SEPHS1: variants seen among roughly 807,000 people sequenced by gnomAD.
SEPHS1 encodes zincore component SEPHS1.
In SEPHS1, 7 loss-of-function variants were observed where a neutral mutation model predicts 39.2. The ratio of observed to expected loss-of-function variants is 0.18; its 90% CI spans 0.10 to 0.34. The LOEUF (loss-of-function observed/expected upper bound fraction) is 0.34. SEPHS1 is among the 10% of genes least tolerant of loss of function. SEPHS1 has a pLI of 1.00. For synonymous variants in SEPHS1, 190 were observed against 195.5 expected (o/e 0.97, Z 0.23); for missense variants, 253 against 514.5 (o/e 0.49, Z 4.92).
At chr10:13,325,342 C>T (rs1833232993) in intron 7 of SEPHS1, among the ~76,000 whole-genome samples, 1 of 152,194 alleles carries the variant, frequency 6.6e-6, no homozygotes, top group South Asian at 2.1e-4. Flanking sequence ...ACCTAAATCT[C>T]ATCTCGAATT....
Position 13,344,998 on chromosome 10 carries a change from T to G in SEPHS1, c.-48A>C. On this transcript the variant is annotated 5_prime_UTR_variant, in exon 2 of 9. Transcript: ENST00000327347. Reference sequence around the variant, plus strand: ...CACAGCTCAGCCCCTCCCCTCCCTCTGCGGGTTGGCTGGGTTCTTTATGGA... The same window carrying G: ...CACAGCTCAGCCCCTCCCCTCCCTCGGCGGGTTGGCTGGGTTCTTTATGGA... The G allele has an allele frequency of 7.2e-7, 1 of 1,386,710 alleles. No homozygotes were observed. The highest frequency in any genetic ancestry group is 9.4e-7 in the Non-Finnish European group (1 of 1,058,738). The allele number at this position is 1,386,710 out of a possible 1,614,324, so 85.9% of individuals were successfully genotyped here. A position where few individuals can be genotyped will look rare whatever the true frequency, so the allele number is the denominator to read the frequency against.
In SEPHS1 at chr10:13,333,976, G is replaced by A; in HGVS notation, c.406-5C>T. ...AGGCATCACTTTATCCCTTTCCTAAGGTTGAAAAAGGTACAAATAAAAAGT... is the reference window on the plus strand; with the variant it reads ...AGGCATCACTTTATCCCTTTCCTAAAGTTGAAAAAGGTACAAATAAAAAGT... On this transcript the variant is annotated splice_polypyrimidine_tract_variant and splice_region_variant and intron_variant, in intron 4 of 8. Coordinates refer to ENST00000327347, the MANE Select transcript of SEPHS1 (RefSeq NM_012247.5). The A allele has an allele frequency of 6.3e-7, 1 of 1,598,404 alleles. No individual in the cohort carries two copies. Among genetic ancestry groups the A allele is most frequent in the South Asian group, 1.1e-5 (1 of 88,506 alleles).
chr10:13,323,131 C>T (rs1833163878), intron 7 of SEPHS1, 84 bp from the exon 8 acceptor site: 1 of 1,073,964 alleles, frequency 9.3e-7, no homozygotes, highest in Non-Finnish European at 1.4e-6. Flanking sequence ...CTGCAACTTC[C>T]TTACTTGTCA....
intron 8 of SEPHS1, among the ~76,000 whole-genome samples, chr10:13,321,625 GA>G (rs1833119779): frequency 6.6e-6 from 1 of 151,730 alleles, no homozygotes; most frequent in Non-Finnish European, 1.5e-5. Context: ...GAGAGAAACC[GA>G]AAAAAAGGGA....
intron 3 of SEPHS1, among the ~76,000 whole-genome samples, chr10:13,337,568 C>T (rs1389920356): frequency 6.6e-6 from 1 of 152,222 alleles, no homozygotes; most frequent in Admixed American, 6.5e-5. Context: ...AGCTCAACAA[C>T]CATCTGTGGC....
intron 5 of SEPHS1, among the ~76,000 whole-genome samples, chr10:13,332,448 C>T (rs1165678428): frequency 2.0e-5 from 3 of 152,130 alleles, no homozygotes. Flanking sequence ...GTGATGGGTG[C>T]ACAACCTTGT....
chr10:13,340,618 G>C (rs542031197), intron 2 of SEPHS1: 1 of 152,316 alleles, frequency 6.6e-6, no homozygotes, highest in South Asian at 2.1e-4. Context: ...TACTGAAAGA[G>C]AAACTAAAAT....
chr10:13,331,245 T>C (rs1564447501), intron 5 of SEPHS1, among the ~76,000 whole-genome samples: 1 of 152,218 alleles, frequency 6.6e-6, no homozygotes, highest in Non-Finnish European at 1.5e-5. Flanking sequence ...TGATGGACAT[T>C]TGAGTTGGTT....
chr10:13,336,515 C>T lies in SEPHS1; in HGVS notation c.298-165G>A. The T allele has an allele frequency of 3.1e-6, 2 of 649,818 alleles. 1 individual carries two copies. The highest frequency in any genetic ancestry group is 4.7e-5 in the Admixed American group (2 of 42,722). 40.3% of individuals were successfully genotyped at this position (649,818 alleles called of 1,614,324 possible). ...TATGATTTGCAGACTGGCAACCTTT[C>T]CTGCATCACAGAGTCACTAGGCCAT... On this transcript the variant is annotated intron_variant, in intron 3 of 8. Transcript: ENST00000327347.
At chr10:13,325,868 A>G in intron 7 of SEPHS1, among the ~76,000 whole-genome samples, 1 of 120,062 alleles carries the variant, frequency 8.3e-6, no homozygotes, top group South Asian at 2.9e-4. Context: ...ACTGCACTCC[A>G]GCCTGGGCGA....
chr10:13,323,353 C>T (rs1217236924), intron 7 of SEPHS1, among the ~76,000 whole-genome samples: 2 of 151,998 alleles, frequency 1.3e-5, no homozygotes, highest in Admixed American at 6.6e-5. Flanking sequence ...AACCAAAGAC[C>T]GGCACTTTTT....
chr10:13,329,613 A>T lies in SEPHS1; in HGVS notation c.651+85T>A, dbSNP rs1278557385. 1.1e-5 allele frequency: 11 copies of T among 1,017,758 alleles called. No homozygotes were observed. In the Admixed American group the frequency reaches 2.3e-4, roughly 21 times the overall value. The allele number at this position is 1,017,758 out of a possible 1,614,324, so 63.0% of individuals were successfully genotyped here. On this transcript the variant is annotated intron_variant, in intron 6 of 8. Coordinates refer to ENST00000327347, the MANE Select transcript of SEPHS1 (RefSeq NM_012247.5). ...TTAACTCCCTGGATATGAAACTAAA[A>T]AACCTCATTTCCCAAATCCTCCAAC...
rs1158931308 is a variant in SEPHS1 at position 13,317,933 on chromosome 10, T to C, written c.*1209A>G. 1 of 152,166 alleles carries C rather than the reference T, an allele frequency of 6.6e-6. No homozygotes were observed. Among genetic ancestry groups the C allele is most frequent in the African/African-American group, 2.4e-5 (1 of 41,432 alleles). 9.4% of individuals were successfully genotyped at this position (152,166 alleles called of 1,614,324 possible). ...CTATTTATTCTAGAACTACAAAATT[T>C]AATTCAAGAAAATATAGGTCCCATG... On this transcript the variant is annotated 3_prime_UTR_variant, in exon 9 of 9. Coordinates refer to ENST00000327347, the MANE Select transcript of SEPHS1 (RefSeq NM_012247.5).
At chr10:13,325,408 C>T (rs372220891) in intron 7 of SEPHS1, among the ~76,000 whole-genome samples, 3 of 152,108 alleles carry the variant, frequency 2.0e-5, no homozygotes, top group East Asian at 3.9e-4. Context: ...ATCATGAGGG[C>T]GGTTTCCCTC....
chr10:13,319,451 C>G, intron 8 of SEPHS1, 95 bp from the exon 9 acceptor site: 2 of 1,267,564 alleles, frequency 1.6e-6, no homozygotes, highest in Non-Finnish European at 2.3e-6. Context: ...CCATCAACAA[C>G]TTGCTGCCAC....
At chr10:13,327,240 CAAAAAAAAAAAAA>C (rs34788028) in intron 7 of SEPHS1, among the ~76,000 whole-genome samples, 7 of 82,800 alleles carry the variant, frequency 8.5e-5, no homozygotes, top group Admixed American at 5.5e-4. Context: ...GATTCTGTCT[CAAAAAAAAAAAAA>C]AAAAAAAAAA....
At chr10:13,331,078 T>C (rs1044458118) in intron 5 of SEPHS1, among the ~76,000 whole-genome samples, 11 of 152,106 alleles carry the variant, frequency 7.2e-5, no homozygotes, top group Non-Finnish European at 1.3e-4. Flanking sequence ...AGTGAGAACA[T>C]GCGGCGTTTG....
intron 8 of SEPHS1, among the ~76,000 whole-genome samples, chr10:13,321,244 T>C (rs1412396996): frequency 7.6e-6 from 1 of 132,208 alleles, no homozygotes; most frequent in African/African-American, 3.2e-5. Flanking sequence ...GCTAGGCATG[T>C]GTATTTTTCT....
intron 7 of SEPHS1, among the ~76,000 whole-genome samples, chr10:13,327,172 T>C (rs1401976236): frequency 7.4e-6 from 1 of 136,026 alleles, no homozygotes; most frequent in African/African-American, 2.9e-5. Flanking sequence ...ACCTGGTAGG[T>C]AGCGGTTGCA....
Sources: gnomAD v4.1 joint callset for allele counts (sites outside exome capture counted in the v4.1 genomes callset) on GRCh38, gnomAD v4.1.1 for gene constraint, MANE v1.5 for transcripts, NCBI Gene and HGNC (gene_info 2026-07-23, HGNC 2026-07-21) for gene names.